Variants in PTGFRN observed in about 807,000 individuals in gnomAD.
PTGFRN encodes the protein prostaglandin F2 receptor negative regulator.
Under a neutral mutation model 83.2 loss-of-function variants are expected in PTGFRN, and 35 were observed. The ratio of observed to expected loss-of-function variants is 0.42; its 90% CI spans 0.32 to 0.56. The LOEUF (loss-of-function observed/expected upper bound fraction) is 0.56, where lower values mean the gene tolerates loss of function less well. PTGFRN is among the 20% of genes least tolerant of loss of function. The pLI, the probability that PTGFRN is intolerant of heterozygous loss-of-function variation, is 0.11. For missense variants in PTGFRN, 1,051 were observed against 1,179.5 expected (o/e 0.89, Z 1.60); for synonymous variants, 519 against 498.6 (o/e 1.04, Z -0.55).
At chr1:116,943,251 A>G (rs1439189089) in intron 2 of PTGFRN, among the ~76,000 whole-genome samples, 1 of 152,154 alleles carries the variant, frequency 6.6e-6, no homozygotes, top group Non-Finnish European at 1.5e-5. Context: ...CACCCCATCT[A>G]CCTCTTTATT....
intron 4 of PTGFRN, among the ~76,000 whole-genome samples, chr1:116,957,126 TTTC>T (rs1650523129): frequency 6.7e-6 from 1 of 149,600 alleles, no homozygotes; most frequent in Non-Finnish European, 1.5e-5. Context: ...TCTCTCTCTC[TTTC>T]TCTCTCTCTC....
At chr1:116,943,070 C>G (rs1205110268) in intron 2 of PTGFRN, among the ~76,000 whole-genome samples, 3 of 152,104 alleles carry the variant, frequency 2.0e-5, no homozygotes, top group Non-Finnish European at 4.4e-5. Flanking sequence ...ATGTCTGGGT[C>G]AGAATGTATG....
intron 1 of PTGFRN, among the ~76,000 whole-genome samples, chr1:116,911,397 C>T (rs1402874206): frequency 1.3e-5 from 2 of 152,164 alleles, no homozygotes; most frequent in East Asian, 1.9e-4. Flanking sequence ...CAGAGGAGGC[C>T]TTCTATAGCT....
In PTGFRN at chr1:116,952,802, C is replaced by G. The variant is rs61789070; in HGVS notation, c.1213+3230C>G. On this transcript the variant is annotated intron_variant, in intron 4 of 8. Transcript: ENST00000393203. The surrounding 1 kb of genome is among the most constrained non-coding windows in gnomAD (Gnocchi z 4.0). ...TTCAACTGTTCTTTTACAAAAGGCC[C>G]TAAATGATGGTTTAAATGGATGTTT... 8.2e-3 allele frequency among the ~76,000 whole-genome samples: 1,255 copies of G among 152,216 alleles called. 9 individuals are homozygous for G. Among genetic ancestry groups the G allele is most frequent in the Middle Eastern group, 0.027 (8 of 294 alleles).
intron 5 of PTGFRN, among the ~76,000 whole-genome samples, chr1:116,966,569 G>A (rs1317907199): frequency 3.3e-5 from 5 of 152,216 alleles, no homozygotes; most frequent in Admixed American, 1.3e-4. Flanking sequence ...CACCTTTATA[G>A]GAGTGTCCTC....
chr1:116,912,999 T>C (rs1235093901), intron 1 of PTGFRN, among the ~76,000 whole-genome samples: 2 of 152,234 alleles, frequency 1.3e-5, no homozygotes, highest in Admixed American at 6.5e-5. Flanking sequence ...GTCTGACCTG[T>C]CTTGCCCATC....
chr1:116,972,906 G>A (rs1255601137), intron 6 of PTGFRN, among the ~76,000 whole-genome samples: 2 of 152,156 alleles, frequency 1.3e-5, no homozygotes, highest in South Asian at 2.1e-4. Flanking sequence ...AACCCAGTTT[G>A]GGTAGGGTTT....
chr1:116,930,951 T>G (rs1649782063), intron 1 of PTGFRN, among the ~76,000 whole-genome samples: 1 of 152,206 alleles, frequency 6.6e-6, no homozygotes, highest in Non-Finnish European at 1.5e-5. Flanking sequence ...ATATTGACAC[T>G]GCATGAAGCT....
Position 116,910,083 on chromosome 1 carries a change from A to G in PTGFRN, c.-121A>G. ...ATTTATCGGCTCGCGAGGAGAGCGG[A>G]GCAGGCGCGCGGCCCAGGCGGAGGA... On this transcript the variant is annotated 5_prime_UTR_variant, in exon 1 of 9. Coordinates refer to ENST00000393203, the MANE Select transcript of PTGFRN (RefSeq NM_020440.4). The G allele has an allele frequency of 1.8e-6, 2 of 1,091,718 alleles. No homozygotes were observed. Among genetic ancestry groups the G allele is most frequent in the South Asian group, 1.3e-5 (1 of 74,840 alleles). 67.6% of individuals were successfully genotyped at this position (1,091,718 alleles called of 1,614,324 possible).
Position 116,974,939 on chromosome 1 carries a change from G to A in PTGFRN, c.2167+616G>A, listed in dbSNP as rs191591876. On this transcript the variant is annotated intron_variant, in intron 7 of 8. Coordinates refer to ENST00000393203, the MANE Select transcript of PTGFRN (RefSeq NM_020440.4). Reference sequence around the variant, plus strand: ...AGCAGGGCAAGGCATCAACTCACCCGGGAAGCGCAAGGGGTTAGGGAATTC... The same window carrying A: ...AGCAGGGCAAGGCATCAACTCACCCAGGAAGCGCAAGGGGTTAGGGAATTC... Among the ~76,000 whole-genome samples, 196 of 152,318 alleles carry A rather than the reference G, an allele frequency of 1.3e-3. 2 individuals are homozygous for A. Among genetic ancestry groups the A allele is most frequent in the Middle Eastern group, 6.8e-3 (2 of 294 alleles).
intron 8 of PTGFRN, among the ~76,000 whole-genome samples, chr1:116,986,015 T>G (rs893682024): frequency 3.3e-5 from 5 of 152,260 alleles, no homozygotes; most frequent in Non-Finnish European, 7.3e-5. Flanking sequence ...AGTGTTTCCC[T>G]AGTGATCAGT....
At position 116,952,541 on chromosome 1, in the gene PTGFRN, G is replaced by C. The variant is rs1650377414; in HGVS notation, c.1213+2969G>C. 6.6e-6 allele frequency among the ~76,000 whole-genome samples: 1 copy of C among 152,158 alleles called. No homozygotes were observed. Among genetic ancestry groups the C allele is most frequent in the South Asian group, 2.1e-4 (1 of 4,832 alleles). On this transcript the variant is annotated intron_variant, in intron 4 of 8. Transcript: ENST00000393203. The surrounding 1 kb of genome is among the most constrained non-coding windows in gnomAD (Gnocchi z 4.0). Reference sequence around the variant, plus strand: ...AGGAGACATAAAATCAAGATCAAAAGGGTAAAAGAAGAATAGATATTGCAA... The same window carrying C: ...AGGAGACATAAAATCAAGATCAAAACGGTAAAAGAAGAATAGATATTGCAA...
intron 7 of PTGFRN, among the ~76,000 whole-genome samples, chr1:116,981,204 G>T (rs909038393): frequency 6.6e-6 from 1 of 152,100 alleles, no homozygotes; most frequent in Non-Finnish European, 1.5e-5. Flanking sequence ...GCACTCAGGG[G>T]ATCTCTGCTA....
chr1:116,939,403 G>A (rs185444090), intron 1 of PTGFRN, among the ~76,000 whole-genome samples: 1 of 152,372 alleles, frequency 6.6e-6, no homozygotes, highest in African/African-American at 2.4e-5. Flanking sequence ...GACACCACGT[G>A]GCAGCTGCCA....
At position 116,984,719 on chromosome 1, in the gene PTGFRN, CT is replaced by C; in HGVS notation, c.2211del (p.Phe737LeufsTer19). ...AFDVSWFAVH[S>X]FGLDKAPVLL... ...GATGTGTCCTGGTTTGCGGTGCACT[CT>C]TTTGGCCTGGACAAGGCTCCTGTGC... On this transcript the variant is annotated frameshift_variant, in exon 8 of 9. Coordinates refer to ENST00000393203, the MANE Select transcript of PTGFRN (RefSeq NM_020440.4). LOFTEE classifies it high-confidence loss of function. 1 of 1,614,172 alleles carries C rather than the reference CT, an allele frequency of 6.2e-7. No homozygotes were observed. The highest frequency in any genetic ancestry group is 8.5e-7 in the Non-Finnish European group (1 of 1,180,044).
chr1:116,949,142 G>C, intron 3 of PTGFRN, 50 bp from the exon 4 acceptor site: 4 of 1,520,000 alleles, frequency 2.6e-6, no homozygotes, highest in Non-Finnish European at 3.5e-6. Flanking sequence ...GAGAATAGAA[G>C]GGGCAAACAT....
intron 1 of PTGFRN, among the ~76,000 whole-genome samples, chr1:116,924,462 G>A (rs185912808): frequency 8.5e-5 from 13 of 152,222 alleles, no homozygotes; most frequent in Non-Finnish European, 1.6e-4. Flanking sequence ...AGTTTTAAAG[G>A]CATTAGTGCC....
At chr1:116,934,090 GGCTTC>G (rs1649863258) in intron 1 of PTGFRN, among the ~76,000 whole-genome samples, 2 of 151,648 alleles carry the variant, frequency 1.3e-5, no homozygotes, top group African/African-American at 4.8e-5. Flanking sequence ...TTATACCCTG[GGCTTC>G]AGTTTGGATA....
chr1:116,979,539 A>C (rs912587141), intron 7 of PTGFRN, among the ~76,000 whole-genome samples: 4 of 152,138 alleles, frequency 2.6e-5, no homozygotes, highest in African/African-American at 9.7e-5. Flanking sequence ...ACCAATGGAA[A>C]AGAACAGAGC....
Sources: allele counts gnomAD v4.1 joint callset (sites outside exome capture counted in the v4.1 genomes callset), GRCh38; gene constraint gnomAD v4.1.1; non-coding constraint Gnocchi (gnomAD v3.1); transcripts MANE v1.5; gene names NCBI Gene and HGNC (gene_info 2026-07-23, HGNC 2026-07-21).